GDAP1: variants seen among roughly 807,000 people sequenced by gnomAD.
The protein encoded by GDAP1 is ganglioside-induced differentiation-associated protein 1.
GDAP1 carries 34 observed loss-of-function variants against 40.1 expected under a neutral mutation model. That is an observed-to-expected ratio of 0.85 (90% CI 0.64 to 1.13). The LOEUF (loss-of-function observed/expected upper bound fraction) is 1.13, where lower values mean the gene tolerates loss of function less well. GDAP1 is among the 50% of genes most tolerant of loss of function. The pLI, the probability that GDAP1 is intolerant of heterozygous loss-of-function variation, is 0.00. For synonymous variants in GDAP1, 170 were observed against 157.4 expected, an observed-to-expected ratio of 1.08 and a Z score of -0.60; for missense variants, 374 against 433.7, an observed-to-expected ratio of 0.86 and a Z score of 1.22.
At chr8:74,430,700 C>T (rs567833201) in intron 2 of GDAP1, among the ~76,000 whole-genome samples, 9 of 151,768 alleles carry the variant, frequency 5.9e-5, no homozygotes, top group South Asian at 2.1e-4. Flanking sequence ...AAATATTTTA[C>T]GTAATTACAA....
At chr8:74,379,453 G>A (rs1451105360) in intron 2 of GDAP1, among the ~76,000 whole-genome samples, 5 of 152,124 alleles carry the variant, frequency 3.3e-5, no homozygotes, top group Non-Finnish European at 7.4e-5. Flanking sequence ...ATGGTTCATG[G>A]TGGATGATTG....
intron 2 of GDAP1, among the ~76,000 whole-genome samples, chr8:74,460,839 A>C (rs969908675): frequency 6.6e-6 from 1 of 152,192 alleles, no homozygotes; most frequent in Non-Finnish European, 1.5e-5. Flanking sequence ...AAACAGGTGG[A>C]GGAGAAAGAG....
At chr8:74,439,495 A>G (rs202198658) in intron 2 of GDAP1, among the ~76,000 whole-genome samples, 1 of 152,108 alleles carries the variant, frequency 6.6e-6, no homozygotes, top group East Asian at 1.9e-4. Context: ...CTACAATAAC[A>G]TAATTACTAT....
intron 2 of GDAP1, among the ~76,000 whole-genome samples, chr8:74,427,576 C>T (rs985031648): frequency 1.8e-4 from 27 of 152,314 alleles, no homozygotes; most frequent in African/African-American, 5.5e-4. Flanking sequence ...CTTTGATACT[C>T]TTTCCAGCCC....
chr8:74,396,590 G>A (rs1399073249), intron 2 of GDAP1, among the ~76,000 whole-genome samples: 1 of 151,516 alleles, frequency 6.6e-6, no homozygotes. Context: ...CCACCTATGA[G>A]TGAGAACATG....
chr8:74,442,347 C>T (rs1162998877), intron 2 of GDAP1, among the ~76,000 whole-genome samples: 1 of 152,200 alleles, frequency 6.6e-6, no homozygotes. Context: ...AGCTTATTGT[C>T]ATGCAAAGCT....
intron 2 of GDAP1, among the ~76,000 whole-genome samples, chr8:74,431,643 G>T (rs1806027684): frequency 6.6e-6 from 1 of 151,890 alleles, no homozygotes; most frequent in East Asian, 1.9e-4. Context: ...CACTGCACCC[G>T]GCTAATTTTT....
rs980224635 is a variant in GDAP1 at position 74,404,212 on chromosome 8, C to G, written c.165+52891C>G. 2.7e-5 allele frequency among the ~76,000 whole-genome samples: 4 copies of G among 149,652 alleles called. 1 individual carries two copies. Among genetic ancestry groups the G allele is most frequent in the African/African-American group, 1.0e-4 (4 of 39,158 alleles). ...TGCATTAACTTAAAAAAAATCCTGT[C>G]TTAGGCTTATTAATCACATCACTGT... is the stretch of plus-strand genomic sequence containing the variant. On this transcript the variant is annotated intron_variant, in intron 2 of 2. Coordinates refer to the GDAP1 transcript ENST00000523640.
At chr8:74,356,659 AGTGTGTGTGTGTGT>A (rs144717682) in intron 2 of GDAP1, among the ~76,000 whole-genome samples, 4 of 122,960 alleles carry the variant, frequency 3.3e-5, no homozygotes, top group Middle Eastern at 4.0e-3. Context: ...AATATTATTT[AGTGTGTGTGTGTGT>A]GTGTGTGTGT....
At chr8:74,478,507 C>T (rs372684953) in intron 2 of GDAP1, among the ~76,000 whole-genome samples, 12 of 152,124 alleles carry the variant, frequency 7.9e-5, no homozygotes, top group South Asian at 6.2e-4. Flanking sequence ...GAGGCTGCAC[C>T]GCAAGCAGGC....
chr8:74,352,530 T>G (rs6472841), intron 2 of GDAP1, among the ~76,000 whole-genome samples: 41,665 of 152,146 alleles, frequency 0.27, 6,581 homozygotes, highest in African/African-American at 0.42. Flanking sequence ...TAGGCCTAGA[T>G]GGTGGGCAGT....
chr8:74,428,664 T>G (rs13278862), intron 2 of GDAP1, among the ~76,000 whole-genome samples: 1 of 127,490 alleles, frequency 7.8e-6, no homozygotes, highest in Non-Finnish European at 1.7e-5. Context: ...TTTTTTTTAG[T>G]AGAGACAGGG....
At chr8:74,370,753 C>T (rs769241201), downstream of GDAP1, among the ~76,000 whole-genome samples, 1 of 152,108 alleles carries the variant, frequency 6.6e-6, no homozygotes, top group Non-Finnish European at 1.5e-5. Flanking sequence ...ATGAGATGTA[C>T]TTTAAACATG....
intron 2 of GDAP1, among the ~76,000 whole-genome samples, chr8:74,480,510 G>A (rs561729993): frequency 6.6e-6 from 1 of 152,320 alleles, no homozygotes; most frequent in South Asian, 2.1e-4. Flanking sequence ...TGGCAAGTGA[G>A]AGGAAATGAG....
chr8:74,439,702 A>T (rs984285866), intron 2 of GDAP1, among the ~76,000 whole-genome samples: 1 of 151,824 alleles, frequency 6.6e-6, no homozygotes, highest in Admixed American at 6.6e-5. Context: ...TTTATTAATT[A>T]TGAAAAATTC....
chr8:74,446,506 A>G (rs1806229007), intron 2 of GDAP1, among the ~76,000 whole-genome samples: 1 of 152,168 alleles, frequency 6.6e-6, no homozygotes, highest in Non-Finnish European at 1.5e-5. Flanking sequence ...TTCTCTAAAA[A>G]ACAGTTTATC....
At chr8:74,378,787 A>G (rs570452704) in intron 2 of GDAP1, among the ~76,000 whole-genome samples, 15 of 152,326 alleles carry the variant, frequency 9.8e-5, no homozygotes, top group South Asian at 4.1e-4. Flanking sequence ...CCTCACTCAC[A>G]CATATGTATA....
rs894788005 is a variant in GDAP1, at chr8:74,392,109, A to G, written c.165+40788A>G. Among the ~76,000 whole-genome samples, 7 of 152,176 alleles carry G rather than the reference A, an allele frequency of 4.6e-5. No individual in the cohort carries two copies. In the East Asian group the frequency reaches 7.7e-4, roughly 17 times the overall value. ...GCTGGGATTACAGGTGTGAGCCATCATGCCCAGCCAGTTATTTTTATTTAA... is the reference window on the plus strand; with the variant it reads ...GCTGGGATTACAGGTGTGAGCCATCGTGCCCAGCCAGTTATTTTTATTTAA... On this transcript the variant is annotated intron_variant, in intron 2 of 2. Coordinates refer to the GDAP1 transcript ENST00000523640.
intron 2 of GDAP1, among the ~76,000 whole-genome samples, chr8:74,400,944 C>G (rs1452432020): frequency 6.7e-6 from 1 of 149,918 alleles, no homozygotes; most frequent in East Asian, 1.9e-4. Context: ...ATGGGCTTCC[C>G]TTTGTGGGTA....
Sources: allele counts gnomAD v4.1 joint callset (sites outside exome capture counted in the v4.1 genomes callset), GRCh38; gene constraint gnomAD v4.1.1; transcripts MANE v1.5; gene names NCBI Gene and HGNC (gene_info 2026-07-23, HGNC 2026-07-21).